DCDC2: variants seen among roughly 807,000 people sequenced by gnomAD.
DCDC2 encodes the protein doublecortin domain-containing protein 2.
Under a neutral mutation model 50.2 loss-of-function variants are expected in DCDC2, and 40 were observed. The ratio of observed to expected loss-of-function variants is 0.80; its 90% CI spans 0.62 to 1.04. The LOEUF (loss-of-function observed/expected upper bound fraction) is 1.04, where lower values mean the gene tolerates loss of function less well. Among genes scored for constraint, DCDC2 ranks in the 50% least tolerant of loss-of-function variants. DCDC2 has a pLI of 0.00. For synonymous variants in DCDC2, 234 were observed against 210.6 expected (o/e 1.11, Z -0.96); for missense variants, 570 against 581.9 (o/e 0.98, Z 0.21).
At chr6:24,208,798 T>C (rs1761785908) in intron 7 of DCDC2, among the ~76,000 whole-genome samples, 1 of 152,242 alleles carries the variant, frequency 6.6e-6, no homozygotes, top group Admixed American at 6.5e-5. Context: ...AGACCACAAT[T>C]TTTGTCCTGT....
At chr6:24,343,599 A>G (rs1045501614) in intron 2 of DCDC2, among the ~76,000 whole-genome samples, 5 of 152,232 alleles carry the variant, frequency 3.3e-5, no homozygotes, top group African/African-American at 1.2e-4. Context: ...GTGCACAAGT[A>G]TCTAAACTGC....
chr6:24,302,696 G>A (rs1222315891), intron 2 of DCDC2, among the ~76,000 whole-genome samples: 2 of 151,932 alleles, frequency 1.3e-5, no homozygotes, highest in Non-Finnish European at 2.9e-5. Flanking sequence ...GAACCACGGG[G>A]CCCCATGAGC....
intron 6 of DCDC2, among the ~76,000 whole-genome samples, chr6:24,281,386 G>C (rs1230756440): frequency 6.8e-6 from 1 of 146,826 alleles, no homozygotes; most frequent in Non-Finnish European, 1.5e-5. Context: ...TGTTCCCCAG[G>C]CTGGCCTCAA....
chr6:24,327,451 A>AAGTTATTTATTTATTT (rs568793518), intron 2 of DCDC2, among the ~76,000 whole-genome samples: 3 of 83,746 alleles, frequency 3.6e-5, no homozygotes, highest in African/African-American at 7.4e-5. Flanking sequence ...CAACATTATA[A>AAGTTATTTATTTATTT]ACTTATTTAT....
chr6:24,310,786 A>T (rs1759557225), intron 2 of DCDC2, among the ~76,000 whole-genome samples: 1 of 152,226 alleles, frequency 6.6e-6, no homozygotes, highest in South Asian at 2.1e-4. Context: ...TTTGTTTTGC[A>T]TTATTCAGTT....
chr6:24,271,935 T>C (rs1561752415), intron 7 of DCDC2, among the ~76,000 whole-genome samples: 1 of 152,122 alleles, frequency 6.6e-6, no homozygotes, highest in Non-Finnish European at 1.5e-5. Flanking sequence ...AAAAGCGTCT[T>C]CAAACTCAAC....
rs540483970 is a variant in DCDC2, at chr6:24,238,925, ACT to A, written c.923-33825_923-33824del. 3.7e-3 allele frequency among the ~76,000 whole-genome samples: 568 copies of A among 152,230 alleles called. 3 individuals are homozygous for A. The highest frequency in any genetic ancestry group is 6.4e-3 in the Non-Finnish European group (436 of 68,020). On this transcript the variant is annotated intron_variant, in intron 7 of 9. Transcript: ENST00000378454. The stretch of plus-strand genomic sequence containing the variant: ...TGAGCTGCCTCAAGGTGTGCAAGCA[ACT>A]CTGCCTACTATAGGAGAGAGTATTA...
At chr6:24,213,624 A>G (rs367778444) in intron 7 of DCDC2, among the ~76,000 whole-genome samples, 50 of 152,220 alleles carry the variant, frequency 3.3e-4, no homozygotes, top group African/African-American at 1.2e-3. Flanking sequence ...TTGAATTTTT[A>G]TACAACTTTT....
intron 7 of DCDC2, among the ~76,000 whole-genome samples, chr6:24,220,915 C>CGAGAGAGCGAGCGAGCGAGCGAGA (rs1369192042): frequency 7.6e-6 from 1 of 131,674 alleles, no homozygotes; most frequent in Non-Finnish European, 1.7e-5. Context: ...AGAGAGTGAG[C>CGAGAGAGCGAGCGAGCGAGCGAGA]GAGCGAGCGA....
rs534536773 is a variant in DCDC2 at position 24,227,478 on chromosome 6, G to A, written c.923-22376C>T. 4.6e-5 allele frequency among the ~76,000 whole-genome samples: 7 copies of A among 152,266 alleles called. No homozygotes were observed. The South Asian group carries it at 1.5e-3, about 32-fold the overall frequency. On this transcript the variant is annotated intron_variant, in intron 7 of 9. Coordinates refer to ENST00000378454, the MANE Select transcript of DCDC2 (RefSeq NM_016356.5). ...CCCATCTTCTGAGATGAATGTTGAG[G>A]AATGAGAGACGAAGCCAGACCCGTC...
chr6:24,218,626 T>C (rs1762031235), intron 7 of DCDC2, among the ~76,000 whole-genome samples: 2 of 152,154 alleles, frequency 1.3e-5, no homozygotes, highest in African/African-American at 4.8e-5. Flanking sequence ...TAGCTGGGAC[T>C]ACGGGCATGC....
At chr6:24,344,643 C>T (rs2127250806) in intron 2 of DCDC2, among the ~76,000 whole-genome samples, 1 of 152,324 alleles carries the variant, frequency 6.6e-6, no homozygotes, top group South Asian at 2.1e-4. Context: ...TTTCATTAGA[C>T]TGATATTTCA....
intron 8 of DCDC2, among the ~76,000 whole-genome samples, chr6:24,194,773 T>C (rs771408591): frequency 6.6e-6 from 1 of 152,168 alleles, no homozygotes; most frequent in Non-Finnish European, 1.5e-5. Flanking sequence ...CAACCCCAGA[T>C]TGACTTGGAA....
At chr6:24,365,528 G>A in the DCDC2 span, 101 of 152,326 alleles carry the variant, frequency 6.6e-4, no homozygotes, top group African/African-American at 2.3e-3. Context: ...CTGACCTCAG[G>A]TGATCCACCT....
At position 24,278,330 on chromosome 6, in the gene DCDC2, G is replaced by T. The variant is rs879154460; in HGVS notation, c.760-119C>A. 8.3e-6 allele frequency: 7 copies of T among 845,036 alleles called. No individual in the cohort carries two copies. The South Asian group carries it at 1.2e-4, about 15-fold the overall frequency. The allele number at this position is 845,036 out of a possible 1,614,324, so 52.3% of individuals were successfully genotyped here. A position where few individuals can be genotyped will look rare whatever the true frequency, so the allele number is the denominator to read the frequency against. On this transcript the variant is annotated intron_variant, in intron 6 of 9. Transcript: ENST00000378454. The stretch of plus-strand genomic sequence containing the variant: ...CAGGGGCAGGGAGGTGTATTGTCCT[G>T]GTTCTGCAACTGTCTATCTTTATAC...
At chr6:24,217,087 TA>T (rs1329435621) in intron 7 of DCDC2, among the ~76,000 whole-genome samples, 1 of 151,802 alleles carries the variant, frequency 6.6e-6, no homozygotes, top group East Asian at 1.9e-4. Flanking sequence ...GACAGAGACA[TA>T]AAAAACTCCT....
intron 7 of DCDC2, among the ~76,000 whole-genome samples, chr6:24,207,002 G>A (rs1761728439): frequency 6.6e-6 from 1 of 152,142 alleles, no homozygotes; most frequent in African/African-American, 2.4e-5. Context: ...AAAAAAGGCA[G>A]AACAGCTAGA....
At chr6:24,204,713 T>G (rs1415480533) in intron 8 of DCDC2, among the ~76,000 whole-genome samples, 1 of 152,190 alleles carries the variant, frequency 6.6e-6, no homozygotes, top group African/African-American at 2.4e-5. Context: ...TATCAAACTT[T>G]ATCACTTTAT....
chr6:24,343,345 C>A (rs948058684), intron 2 of DCDC2, among the ~76,000 whole-genome samples: 1 of 152,060 alleles, frequency 6.6e-6, no homozygotes, highest in Non-Finnish European at 1.5e-5. Flanking sequence ...CACCGTGCCC[C>A]GCCTAAATAT....
Sources: allele counts gnomAD v4.1 joint callset (sites outside exome capture counted in the v4.1 genomes callset), GRCh38; gene constraint gnomAD v4.1.1; transcripts MANE v1.5; gene names NCBI Gene and HGNC (gene_info 2026-07-23, HGNC 2026-07-21).